Variants in TMTC1 observed in about 807,000 individuals in gnomAD.
TMTC1 encodes protein O-mannosyl-transferase TMTC1.
TMTC1 carries 73 observed loss-of-function variants against 104.8 expected under a neutral mutation model. That is an observed-to-expected ratio of 0.70 (90% confidence interval 0.58 to 0.85). The LOEUF (loss-of-function observed/expected upper bound fraction) is 0.85. Among genes scored for constraint, TMTC1 ranks in the 40% least tolerant of loss-of-function variants. TMTC1 has a pLI of 0.00. For synonymous variants in TMTC1, 434 were observed against 428.7 expected (o/e 1.01, Z -0.15); for missense variants, 1,035 against 1,096.1 (o/e 0.94, Z 0.79).
At chr12:29,570,905 C>A (rs1306272819) in intron 9 of TMTC1, among the ~76,000 whole-genome samples, 1 of 142,386 alleles carries the variant, frequency 7.0e-6, no homozygotes, top group African/African-American at 2.7e-5. Context: ...CCAAAACACA[C>A]ACACAAAAAC....
intron 10 of TMTC1, among the ~76,000 whole-genome samples, chr12:29,545,525 A>C (rs1471365739): frequency 6.6e-6 from 1 of 152,048 alleles, no homozygotes; most frequent in African/African-American, 2.4e-5. Context: ...CTGTAGTCCC[A>C]GCTACTCAGG....
intron 5 of TMTC1, among the ~76,000 whole-genome samples, chr12:29,651,763 T>C (rs1488756653): frequency 4.6e-5 from 7 of 152,216 alleles, no homozygotes; most frequent in African/African-American, 1.7e-4. Context: ...ATTTTAGAGA[T>C]AATTTAGTCT....
At chr12:29,572,519 C>G (rs762778366) in intron 8 of TMTC1, among the ~76,000 whole-genome samples, 12 of 152,276 alleles carry the variant, frequency 7.9e-5, no homozygotes, top group Middle Eastern at 3.4e-3. Flanking sequence ...AGAGACACAG[C>G]TGGAGTCTGG....
intron 5 of TMTC1, among the ~76,000 whole-genome samples, chr12:29,745,974 G>C (rs1344722432): frequency 6.6e-6 from 1 of 152,144 alleles, no homozygotes; most frequent in African/African-American, 2.4e-5. Flanking sequence ...ATGTGGACCA[G>C]CTTATTTATA....
chr12:29,670,152 C>T (rs1187318002), intron 5 of TMTC1, among the ~76,000 whole-genome samples: 1 of 152,224 alleles, frequency 6.6e-6, no homozygotes, highest in African/African-American at 2.4e-5. Flanking sequence ...AAGATTAAAA[C>T]AGTCAATAGT....
rs550956860 is a variant in TMTC1 at position 29,672,849 on chromosome 12, G to A, written c.939-39513C>T. On this transcript the variant is annotated intron_variant, in intron 5 of 17. Transcript: ENST00000539277. ...GACAAAGGCCTGCAGTAAAGTAGGTGGCCTCATAAAACGCAACACCCGTTA... is the reference window on the plus strand; with the variant it reads ...GACAAAGGCCTGCAGTAAAGTAGGTAGCCTCATAAAACGCAACACCCGTTA... Among the ~76,000 whole-genome samples the A allele has an allele frequency of 2.0e-5, 3 of 152,186 alleles. No individual in the cohort carries two copies. In the East Asian group the frequency reaches 5.8e-4, roughly 29 times the overall value.
intron 5 of TMTC1, among the ~76,000 whole-genome samples, chr12:29,719,859 T>C (rs1942187179): frequency 6.6e-6 from 1 of 152,242 alleles, no homozygotes; most frequent in Non-Finnish European, 1.5e-5. Context: ...CAGTTTTTAT[T>C]GCTTTTCCAT....
chr12:29,616,606 T>C (rs1249897963), intron 6 of TMTC1, among the ~76,000 whole-genome samples: 1 of 147,302 alleles, frequency 6.8e-6, no homozygotes, highest in East Asian at 2.0e-4. Flanking sequence ...AGGCGGAGGT[T>C]GCAGTGAGCT....
Position 29,783,850 on chromosome 12 carries a change from C to T in TMTC1, c.-99G>A, listed in dbSNP as rs548384545. The T allele has an allele frequency of 1.5e-3, 1,553 of 1,034,426 alleles. No homozygotes were observed. The highest frequency in any genetic ancestry group is 3.2e-3 in the Admixed American group (59 of 18,420). 64.1% of individuals were successfully genotyped at this position (1,034,426 alleles called of 1,614,324 possible). A position where few individuals can be genotyped will look rare whatever the true frequency, so the allele number is the denominator to read the frequency against. ...CGCGCGGCGTCTGCCCGGAGGGGGG[C>T]TCGGGCATGGTGCTGCGGCAGCTGG... On this transcript the variant is annotated 5_prime_UTR_variant, in exon 1 of 18. Coordinates refer to ENST00000539277, the MANE Select transcript of TMTC1 (RefSeq NM_001193451.2). This position sits in a 1 kb window ranked among gnomAD's most constrained non-coding sequence, Gnocchi z 4.7.
intron 8 of TMTC1, among the ~76,000 whole-genome samples, chr12:29,574,793 C>G (rs1945777078): frequency 6.6e-6 from 1 of 152,200 alleles, no homozygotes; most frequent in African/African-American, 2.4e-5. Context: ...GCCCTATATC[C>G]AGATACAGTG....
At chr12:29,726,208 G>C (rs545201873) in intron 5 of TMTC1, among the ~76,000 whole-genome samples, 3 of 152,310 alleles carry the variant, frequency 2.0e-5, no homozygotes, top group East Asian at 3.9e-4. Context: ...ATTAAGGAGG[G>C]GGGTGGGAAG....
intron 8 of TMTC1, among the ~76,000 whole-genome samples, chr12:29,580,672 C>G (rs1945954095): frequency 6.6e-6 from 1 of 152,136 alleles, no homozygotes; most frequent in East Asian, 1.9e-4. Flanking sequence ...TTTTCTTACT[C>G]CACTCAGCTG....
At chr12:29,583,690 A>G in intron 7 of TMTC1, 116 bp from the exon 8 acceptor site, 1 of 911,782 alleles carries the variant, frequency 1.1e-6, no homozygotes, top group Non-Finnish European at 1.6e-6. Flanking sequence ...AGAGAAACAA[A>G]TAGAAACTCC....
Position 29,502,848 on chromosome 12 carries a change from C to A in TMTC1, c.*3998G>T, listed in dbSNP as rs531601352. 1 of 152,134 alleles carries A rather than the reference C, an allele frequency of 6.6e-6. No individual in the cohort carries two copies. The highest frequency in any genetic ancestry group is 1.5e-5 in the Non-Finnish European group (1 of 68,024). 9.4% of individuals were successfully genotyped at this position (152,134 alleles called of 1,614,324 possible). A position where few individuals can be genotyped will look rare whatever the true frequency, so the allele number is the denominator to read the frequency against. On this transcript the variant is annotated 3_prime_UTR_variant, in exon 18 of 18. Coordinates refer to ENST00000539277, the MANE Select transcript of TMTC1 (RefSeq NM_001193451.2). ...ACCAGGACAGCCAGGATGATTCAAC[C>A]GAAGATTCCGAAAGGTCCTCAGGTG...
chr12:29,541,429 ACTGT>A (rs1330183869), intron 10 of TMTC1, among the ~76,000 whole-genome samples: 2 of 152,184 alleles, frequency 1.3e-5, no homozygotes, highest in Non-Finnish European at 2.9e-5. Context: ...CTTGGTAGGT[ACTGT>A]CTATGTTTTG....
intron 5 of TMTC1, among the ~76,000 whole-genome samples, chr12:29,727,550 G>C (rs1942429114): frequency 6.6e-6 from 1 of 151,768 alleles, no homozygotes; most frequent in Non-Finnish European, 1.5e-5. Context: ...CTAATTTTTT[G>C]TATTTTCAGT....
At chr12:29,654,421 A>G (rs1939660569) in intron 5 of TMTC1, among the ~76,000 whole-genome samples, 1 of 152,210 alleles carries the variant, frequency 6.6e-6, no homozygotes, top group Admixed American at 6.5e-5. Flanking sequence ...ACCCATTGGT[A>G]TGGCTATAAT....
At chr12:29,644,085 A>ATT in intron 5 of TMTC1, among the ~76,000 whole-genome samples, 1 of 45,316 alleles carries the variant, frequency 2.2e-5, no homozygotes, top group African/African-American at 9.8e-5. Flanking sequence ...ATAAATATAA[A>ATT]TATAAATATA....
At chr12:29,525,896 A>T (rs1411005566) in intron 11 of TMTC1, among the ~76,000 whole-genome samples, 2 of 152,198 alleles carry the variant, frequency 1.3e-5, no homozygotes, top group Non-Finnish European at 2.9e-5. Context: ...AGTGCCTTTT[A>T]TTGCTAGAGA....
Sources: allele counts gnomAD v4.1 joint callset (sites outside exome capture counted in the v4.1 genomes callset), GRCh38; gene constraint gnomAD v4.1.1; non-coding constraint Gnocchi (gnomAD v3.1); transcripts MANE v1.5; gene names NCBI Gene and HGNC (gene_info 2026-07-23, HGNC 2026-07-21).